Variants in LOC122539214 observed in about 807,000 individuals in gnomAD.
At chr19:52,680,819 A>G in the LOC122539214 span, among the ~76,000 whole-genome samples, 5 of 149,740 alleles carry the variant, frequency 3.3e-5, no homozygotes, top group African/African-American at 1.2e-4. Flanking sequence ...TCACCGTGTT[A>G]GCCAGGATGG....
the LOC122539214 span, among the ~76,000 whole-genome samples, chr19:52,676,512 C>T: frequency 0.34 from 51,844 of 150,618 alleles, 9,838 homozygotes; most frequent in East Asian, 0.51. Context: ...GGGGGGCAGC[C>T]CCCGCCCGGC....
chr19:52,683,593 T>C, the LOC122539214 span, among the ~76,000 whole-genome samples: 44 of 151,536 alleles, frequency 2.9e-4, no homozygotes, highest in African/African-American at 1.0e-3. Context: ...ATGGAAGACC[T>C]GGGAGCTGGA....
chr19:52,673,764 T>C, the LOC122539214 span, among the ~76,000 whole-genome samples: 2 of 149,646 alleles, frequency 1.3e-5, no homozygotes, highest in Non-Finnish European at 3.0e-5. Context: ...CCAGGAGCAG[T>C]GGCTCTTTGG....
the LOC122539214 span, among the ~76,000 whole-genome samples, chr19:52,683,413 GA>G: frequency 5.3e-5 from 8 of 151,998 alleles, no homozygotes; most frequent in Admixed American, 5.2e-4. Context: ...AATCTTTCCT[GA>G]AGTCACGGAG....
At chr19:52,661,409 C>T in the LOC122539214 span, among the ~76,000 whole-genome samples, 1 of 152,118 alleles carries the variant, frequency 6.6e-6, no homozygotes, top group Non-Finnish European at 1.5e-5. Flanking sequence ...CTGGCCCTAA[C>T]CAAACCCCAT....
At chr19:52,678,074 G>A in the LOC122539214 span, among the ~76,000 whole-genome samples, 1 of 151,668 alleles carries the variant, frequency 6.6e-6, no homozygotes, top group African/African-American at 2.4e-5. Flanking sequence ...AACAGACCCA[G>A]ATGGAGATTG....
At chr19:52,654,233 T>A in the LOC122539214 span, 2 of 1,580,318 alleles carry the variant, frequency 1.3e-6, no homozygotes, top group Non-Finnish European at 1.7e-6. Context: ...CCATTTCTTT[T>A]AATTTCTTGC....
chr19:52,664,641 G>A, the LOC122539214 span, among the ~76,000 whole-genome samples: 3 of 152,076 alleles, frequency 2.0e-5, no homozygotes, highest in Non-Finnish European at 4.4e-5. Context: ...GGACTGGGGG[G>A]TGGAACCCCA....
chr19:52,678,524 TC>T, the LOC122539214 span, among the ~76,000 whole-genome samples: 1 of 151,792 alleles, frequency 6.6e-6, no homozygotes, highest in African/African-American at 2.4e-5. Context: ...CAAGGGTGTC[TC>T]TTTTCCTGGT....
the LOC122539214 span, chr19:52,651,784 G>A: frequency 6.5e-6 from 1 of 154,234 alleles, no homozygotes; most frequent in African/African-American, 2.4e-5. Flanking sequence ...GGCCCAGCTG[G>A]TCTCAAACTG....
the LOC122539214 span, among the ~76,000 whole-genome samples, chr19:52,656,699 CT>C: frequency 1.3e-5 from 2 of 151,930 alleles, no homozygotes; most frequent in African/African-American, 4.8e-5. Flanking sequence ...AACACTGACA[CT>C]ATTAAAAACA....
the LOC122539214 span, among the ~76,000 whole-genome samples, chr19:52,685,604 A>G: frequency 6.6e-6 from 1 of 152,120 alleles, no homozygotes; most frequent in Non-Finnish European, 1.5e-5. Flanking sequence ...TTCAATCAAG[A>G]ATATATGGGT....
the LOC122539214 span, among the ~76,000 whole-genome samples, chr19:52,665,114 A>T: frequency 6.6e-5 from 10 of 152,148 alleles, no homozygotes; most frequent in African/African-American, 2.4e-4. Context: ...CCAATTAGAA[A>T]TCCTCTCCCT....
At chr19:52,654,059 G>C in the LOC122539214 span, 2 of 1,591,854 alleles carry the variant, frequency 1.3e-6, no homozygotes, top group African/African-American at 2.7e-5. Flanking sequence ...TTCTCCACTT[G>C]ATTATCAATT....
chr19:52,656,472 C>G, the LOC122539214 span, among the ~76,000 whole-genome samples: 2 of 152,070 alleles, frequency 1.3e-5, no homozygotes, highest in African/African-American at 2.4e-5. Flanking sequence ...TTGTGGTAAG[C>G]TGAGATGACA....
chr19:52,687,589 TA>T, the LOC122539214 span, among the ~76,000 whole-genome samples: 2 of 58,452 alleles, frequency 3.4e-5, no homozygotes, highest in African/African-American at 1.9e-4. Context: ...TATATATATA[TA>T]TATATAATGT....
chr19:52,682,574 G>A, the LOC122539214 span, among the ~76,000 whole-genome samples: 3 of 152,108 alleles, frequency 2.0e-5, no homozygotes, highest in African/African-American at 7.2e-5. Flanking sequence ...AGGAGGCTGA[G>A]GCAGAATTGC....
the LOC122539214 span, among the ~76,000 whole-genome samples, chr19:52,677,991 C>T: frequency 6.6e-6 from 1 of 151,820 alleles, no homozygotes; most frequent in South Asian, 2.1e-4. Flanking sequence ...GCCAAGATTG[C>T]ACCACTGCAC....
At chr19:52,653,373 A>G in the LOC122539214 span, 4 of 1,094,012 alleles carry the variant, frequency 3.7e-6, no homozygotes, top group Admixed American at 1.8e-5. Flanking sequence ...CACGCTGGAA[A>G]ACCTTGCCAC....
Sources: allele counts gnomAD v4.1 joint callset (sites outside exome capture counted in the v4.1 genomes callset), GRCh38; gene constraint gnomAD v4.1.1; transcripts MANE v1.5.